PARP11: variants seen among roughly 807,000 people sequenced by gnomAD.
The protein encoded by PARP11 is protein mono-ADP-ribosyltransferase PARP11.
A neutral mutation model predicts 42.9 loss-of-function variants in PARP11; 31 were observed. The observed-to-expected ratio is 0.72, with a 90% CI of 0.54 to 0.98. The LOEUF (loss-of-function observed/expected upper bound fraction) is 0.98. Among genes scored for constraint, PARP11 ranks in the 50% least tolerant of loss-of-function variants. PARP11 has a pLI of 0.00. For synonymous variants in PARP11, 137 were observed against 127.3 expected (o/e 1.08, Z -0.51); for missense variants, 365 against 413.1 (o/e 0.88, Z 1.01).
At chr12:3,830,463 G>A (rs1317688753) in intron 1 of PARP11, among the ~76,000 whole-genome samples, 1 of 152,228 alleles carries the variant, frequency 6.6e-6, no homozygotes, top group East Asian at 1.9e-4. Flanking sequence ...ATGGTGTTGA[G>A]TGTAAAAGAT....
At chr12:3,860,002 A>C (rs1209925823) in intron 1 of PARP11, among the ~76,000 whole-genome samples, 2 of 152,230 alleles carry the variant, frequency 1.3e-5, no homozygotes, top group Non-Finnish European at 2.9e-5. Flanking sequence ...GGTCCTCCTG[A>C]CTGCTTAAAT....
chr12:3,829,852 TCGAA>T (rs1947600602), intron 2 of PARP11, 34 bp downstream of exon 2: 23 of 1,608,488 alleles, frequency 1.4e-5, no homozygotes, highest in Non-Finnish European at 2.0e-5. Context: ...GCTAAGTGAA[TCGAA>T]AACACTTCTG....
chr12:3,820,657 A>G (rs1055799745), intron 6 of PARP11, among the ~76,000 whole-genome samples: 2 of 152,208 alleles, frequency 1.3e-5, no homozygotes, highest in Admixed American at 1.3e-4. Flanking sequence ...TTAAATTTTC[A>G]TCAGACTATT....
At chr12:3,824,180 G>A (rs1304003175) in intron 4 of PARP11, among the ~76,000 whole-genome samples, 1 of 152,224 alleles carries the variant, frequency 6.6e-6, no homozygotes, top group Non-Finnish European at 1.5e-5. Context: ...CAATCTGGTA[G>A]TAAAAATTAG....
In PARP11 at chr12:3,840,621, C is replaced by T; in HGVS notation, c.19-10603G>A. ...CAAGTCGAGAATCTAACTATTGCTA[C>T]TTCTCAGAGTAGCAATCCATGTGTC... is the stretch of plus-strand genomic sequence containing the variant. On this transcript the variant is annotated intron_variant, in intron 1 of 7. Transcript: ENST00000228820. The surrounding 1 kb of genome is among the most constrained non-coding windows in gnomAD (Gnocchi z 4.4). 3.2e-6 allele frequency: 4 copies of T among 1,266,294 alleles called. No homozygotes were observed. The highest frequency in any genetic ancestry group is 4.6e-6 in the Non-Finnish European group (4 of 862,772). The allele number at this position is 1,266,294 out of a possible 1,614,324, so 78.4% of individuals were successfully genotyped here.
chr12:3,852,240 C>A (rs376105042), intron 1 of PARP11, among the ~76,000 whole-genome samples: 1 of 152,206 alleles, frequency 6.6e-6, no homozygotes, highest in Non-Finnish European at 1.5e-5. Context: ...TCCAAAGGAA[C>A]GCAGCTCCTT....
chr12:3,848,950 C>G (rs1415174566), intron 1 of PARP11, among the ~76,000 whole-genome samples: 1 of 148,502 alleles, frequency 6.7e-6, no homozygotes, highest in Admixed American at 6.7e-5. Flanking sequence ...TCAAACAATT[C>G]AACAGCAAAA....
At chr12:3,849,940 T>C (rs768845285) in intron 1 of PARP11, among the ~76,000 whole-genome samples, 22 of 152,322 alleles carry the variant, frequency 1.4e-4, no homozygotes, top group Non-Finnish European at 2.8e-4. Flanking sequence ...TGAAAATATG[T>C]ATATCGATTA....
chr12:3,819,894 C>T (rs1947359920), intron 6 of PARP11, among the ~76,000 whole-genome samples: 1 of 152,186 alleles, frequency 6.6e-6, no homozygotes, highest in African/African-American at 2.4e-5. Context: ...AATTTCTGTT[C>T]AATCTGAAGC....
At chr12:3,848,538 C>T (rs140511398) in intron 1 of PARP11, among the ~76,000 whole-genome samples, 318 of 152,118 alleles carry the variant, frequency 2.1e-3, no homozygotes, top group African/African-American at 7.2e-3. Context: ...AAAGTCACCA[C>T]GAACATAGAA....
intron 1 of PARP11, among the ~76,000 whole-genome samples, chr12:3,856,233 A>C (rs1948186728): frequency 6.6e-6 from 1 of 152,236 alleles, no homozygotes. Context: ...TCATGACTAA[A>C]ACACCAAAAG....
At chr12:3,821,498 A>AGACT (rs1209564931) in intron 6 of PARP11, among the ~76,000 whole-genome samples, 1 of 152,236 alleles carries the variant, frequency 6.6e-6, no homozygotes, top group Non-Finnish European at 1.5e-5. Flanking sequence ...AACAGACAAA[A>AGACT]GACTATTGGC....
At chr12:3,834,787 CAG>C (rs1334774811) in intron 1 of PARP11, among the ~76,000 whole-genome samples, 4 of 147,856 alleles carry the variant, frequency 2.7e-5, no homozygotes, top group African/African-American at 9.9e-5. Flanking sequence ...CCTCTTAGAT[CAG>C]AGAGGAGTCA....
intron 4 of PARP11, among the ~76,000 whole-genome samples, chr12:3,822,539 C>A (rs1947420455): frequency 6.8e-6 from 1 of 147,304 alleles, no homozygotes; most frequent in Non-Finnish European, 1.5e-5. Context: ...GCGGAGCTTG[C>A]AGTGAGCCGA....
At chr12:3,813,463 G>C (rs1947223571) in intron 7 of PARP11, among the ~76,000 whole-genome samples, 1 of 152,096 alleles carries the variant, frequency 6.6e-6, no homozygotes, top group Non-Finnish European at 1.5e-5. Flanking sequence ...ACATCATTAA[G>C]GGCATTCTTA....
intron 1 of PARP11, among the ~76,000 whole-genome samples, chr12:3,865,608 TTTA>T: frequency 6.6e-6 from 1 of 152,278 alleles, no homozygotes; most frequent in Non-Finnish European, 1.5e-5. Context: ...AATGACATTC[TTTA>T]TCCTTGATAA....
chr12:3,830,997 G>A (rs1237072550), intron 1 of PARP11, among the ~76,000 whole-genome samples: 3 of 152,196 alleles, frequency 2.0e-5, no homozygotes, highest in African/African-American at 7.2e-5. Flanking sequence ...TCTCTAGAAA[G>A]GAGACAAAGA....
chr12:3,832,786 G>C (rs867543517), intron 1 of PARP11, among the ~76,000 whole-genome samples: 7 of 152,304 alleles, frequency 4.6e-5, no homozygotes, highest in Middle Eastern at 3.4e-3. Flanking sequence ...AATAATGTTA[G>C]ATGAATGAAC....
chr12:3,873,281 G>A lies in PARP11; in HGVS notation c.-52C>T. On this transcript the variant is annotated 5_prime_UTR_variant, in exon 1 of 8. Coordinates refer to ENST00000228820, the MANE Select transcript of PARP11 (RefSeq NM_020367.6). Reference sequence around the variant, plus strand: ...GCCTGTGGGAAGGGGCTAGCCGCGGGGCCTGGGTGTTGGATTTTTTTTTTT... The same window carrying A: ...GCCTGTGGGAAGGGGCTAGCCGCGGAGCCTGGGTGTTGGATTTTTTTTTTT... 6.5e-7 allele frequency: 1 copy of A among 1,542,808 alleles called. No homozygotes were observed. The highest frequency in any genetic ancestry group is 8.8e-7 in the Non-Finnish European group (1 of 1,140,382).
Sources: gnomAD v4.1 joint callset for allele counts (sites outside exome capture counted in the v4.1 genomes callset) on GRCh38, gnomAD v4.1.1 for gene constraint, Gnocchi (gnomAD v3.1) non-coding constraint, MANE v1.5 for transcripts, NCBI Gene and HGNC (gene_info 2026-07-23, HGNC 2026-07-21) for gene names.